The following CREB5 variants were observed in gnomAD, a reference collection of about 807,000 sequenced individuals.
The protein encoded by CREB5 is cAMP responsive element binding protein 5.
CREB5 carries 19 observed loss-of-function variants against 57.1 expected under a neutral mutation model. The ratio of observed to expected loss-of-function variants is 0.33; its 90% CI spans 0.23 to 0.49. The LOEUF is 0.49. Among genes scored for constraint, CREB5 ranks in the 20% least tolerant of loss-of-function variants. CREB5 has a pLI of 0.99. For synonymous variants in CREB5, 238 were observed against 238.3 expected (o/e 1.00, Z 0.01); for missense variants, 579 against 671.6 (o/e 0.86, Z 1.52).
At chr7:28,589,795 AT>A (rs5883154) in intron 5 of CREB5, among the ~76,000 whole-genome samples, 110,410 of 151,928 alleles carry the variant, frequency 0.73, 40,952 homozygotes, top group East Asian at 0.92. Flanking sequence ...TTTTCTCTGC[AT>A]TAGGAGTATT....
chr7:28,584,912 G>C (rs1796254825), intron 5 of CREB5, among the ~76,000 whole-genome samples: 1 of 152,144 alleles, frequency 6.6e-6, no homozygotes, highest in Non-Finnish European at 1.5e-5. Flanking sequence ...CTATCTTGCT[G>C]TTGGGACCTG....
At chr7:28,447,426 G>A (rs1290578829) in intron 1 of CREB5, among the ~76,000 whole-genome samples, 5 of 152,150 alleles carry the variant, frequency 3.3e-5, no homozygotes, top group African/African-American at 4.8e-5. Flanking sequence ...GCACACCGAC[G>A]GGGGAGTGGG....
intron 5 of CREB5, chr7:28,608,994 G>A (rs746983496): frequency 6.6e-6 from 1 of 152,084 alleles, no homozygotes. Flanking sequence ...TGTATATCAC[G>A]GTATATCTGT....
At chr7:28,338,753 G>A (rs1203257955) in intron 1 of CREB5, among the ~76,000 whole-genome samples, 1 of 152,012 alleles carries the variant, frequency 6.6e-6, no homozygotes, top group Non-Finnish European at 1.5e-5. Context: ...ATAACTCTTA[G>A]AGTTGCCCTT....
rs754568507 is a variant in CREB5 at position 28,326,621 on chromosome 7, A to G, written c.-25+27180A>G. ...AATGCTGCATAGACACCAGTGAACA[A>G]GGTGGCCAGAATATCTGTCCTCATG... On this transcript the variant is annotated intron_variant, in intron 1 of 9. Transcript: ENST00000396299. 4.2e-4 allele frequency among the ~76,000 whole-genome samples: 64 copies of G among 152,352 alleles called. No homozygotes were observed. The Middle Eastern group carries it at 0.01, about 24-fold the overall frequency.
At chr7:28,550,633 A>G (rs1157765539) in intron 4 of CREB5, among the ~76,000 whole-genome samples, 1 of 152,076 alleles carries the variant, frequency 6.6e-6, no homozygotes, top group African/African-American at 2.4e-5. Context: ...CCTCCCACCT[A>G]TAAAATGTTC....
chr7:28,672,763 G>A (rs1217621438), intron 5 of CREB5, among the ~76,000 whole-genome samples: 1 of 152,196 alleles, frequency 6.6e-6, no homozygotes, highest in East Asian at 1.9e-4. Context: ...AGGGGGTCTG[G>A]AGTGGTTGAG....
intron 8 of CREB5, among the ~76,000 whole-genome samples, chr7:28,806,446 C>T (rs996468190): frequency 1.3e-5 from 2 of 152,094 alleles, no homozygotes; most frequent in African/African-American, 4.8e-5. Context: ...GGAATAGAAT[C>T]CTTTGAACTC....
At chr7:28,662,933 T>G in intron 5 of CREB5, among the ~76,000 whole-genome samples, 1 of 151,690 alleles carries the variant, frequency 6.6e-6, no homozygotes, top group Admixed American at 6.6e-5. Context: ...GATCACGAGG[T>G]CAGGAGTTCG....
At chr7:28,384,585 C>T (rs1787045063) in intron 1 of CREB5, among the ~76,000 whole-genome samples, 1 of 151,584 alleles carries the variant, frequency 6.6e-6, no homozygotes, top group Non-Finnish European at 1.5e-5. Flanking sequence ...GTTACCTCTC[C>T]TAATAAAAAA....
At chr7:28,365,615 A>G (rs1199583071) in intron 1 of CREB5, among the ~76,000 whole-genome samples, 1 of 151,770 alleles carries the variant, frequency 6.6e-6, no homozygotes, top group Non-Finnish European at 1.5e-5. Flanking sequence ...TGCAGTCCCT[A>G]CTTCTTCACC....
At position 28,570,459 on chromosome 7, in the gene CREB5, T is replaced by A. The variant is rs976850317; in HGVS notation, c.386T>A (p.Val129Asp). Residue 129 changes from valine (V) to aspartate (D), a missense_variant, in exon 5 of 11, where the codon GTT (valine) becomes GAT (aspartate). By Grantham distance (152) the Val-to-Asp change is radical (BLOSUM62 -3). Coordinates refer to ENST00000357727, the MANE Select transcript of CREB5 (RefSeq NM_182898.4). ...SARLPNHDTN[V>D]VIQQAMPSPQ... Reference sequence around the variant, plus strand: ...CGGCTGCCCAACCATGACACCAACGTTGTGATTCAGCAAGCCATGCCGTCG... The same window carrying A: ...CGGCTGCCCAACCATGACACCAACGATGTGATTCAGCAAGCCATGCCGTCG... 6.2e-7 allele frequency: 1 copy of A among 1,613,882 alleles called. No individual in the cohort carries two copies. Among genetic ancestry groups the A allele is most frequent in the South Asian group, 1.1e-5 (1 of 91,076 alleles).
intron 9 of CREB5, among the ~76,000 whole-genome samples, chr7:28,816,029 C>T (rs1809416911): frequency 6.6e-6 from 1 of 151,090 alleles, no homozygotes; most frequent in Admixed American, 6.6e-5. Context: ...AATAATATGA[C>T]ATTTCCTTCT....
chr7:28,323,490 C>T (rs1198520000), intron 1 of CREB5, among the ~76,000 whole-genome samples: 1 of 152,142 alleles, frequency 6.6e-6, no homozygotes, highest in African/African-American at 2.4e-5. Context: ...ATACCCTTTT[C>T]CTTTCCTTCT....
At chr7:28,489,359 G>A (rs550412797) in intron 2 of CREB5, among the ~76,000 whole-genome samples, 1 of 142,112 alleles carries the variant, frequency 7.0e-6, no homozygotes, top group African/African-American at 2.6e-5. Context: ...GAGTGCAGTG[G>A]TGCGATCTCT....
chr7:28,620,716 G>A lies in CREB5; in HGVS notation c.464+50179G>A, dbSNP rs114142088. 8.1e-3 allele frequency among the ~76,000 whole-genome samples: 1,229 copies of A among 152,126 alleles called. 15 individuals carry two copies. Among genetic ancestry groups the A allele is most frequent in the African/African-American group, 0.028 (1,151 of 41,486 alleles). On this transcript the variant is annotated intron_variant, in intron 5 of 10. Transcript: ENST00000357727. ...GAGCCGCTACGGTCAAAGAGGAGGC[G>A]GCCACGAATTGACCTGAATTCAGTA...
chr7:28,624,480 A>G (rs1043980894), intron 5 of CREB5, among the ~76,000 whole-genome samples: 2 of 152,190 alleles, frequency 1.3e-5, no homozygotes, highest in African/African-American at 4.8e-5. Flanking sequence ...GCAATTTAAA[A>G]AAGTTGAATT....
chr7:28,416,784 C>T (rs1788044780), intron 1 of CREB5, among the ~76,000 whole-genome samples: 1 of 152,184 alleles, frequency 6.6e-6, no homozygotes, highest in Non-Finnish European at 1.5e-5. Flanking sequence ...CTATTCTCTG[C>T]ATTTTCCTTC....
intron 5 of CREB5, among the ~76,000 whole-genome samples, chr7:28,652,985 A>T (rs1799203587): frequency 2.6e-5 from 4 of 152,204 alleles, no homozygotes; most frequent in African/African-American, 7.2e-5. Context: ...TAGACTTGGT[A>T]TGGCATTGAG....
Sources: allele counts gnomAD v4.1 joint callset (sites outside exome capture counted in the v4.1 genomes callset), GRCh38; gene constraint gnomAD v4.1.1; transcripts MANE v1.5; gene names NCBI Gene and HGNC (gene_info 2026-07-23, HGNC 2026-07-21).